Variants in RCOR1 observed in about 807,000 individuals in gnomAD.
RCOR1 encodes the protein REST corepressor.
RCOR1 carries 12 observed loss-of-function variants against 64.0 expected under a neutral mutation model. That is an observed-to-expected ratio of 0.19 (90% confidence interval 0.12 to 0.30). The LOEUF is 0.30. RCOR1 is among the 10% of genes least tolerant of loss of function. The probability of loss-of-function intolerance (pLI) is 1.00; values close to 1 mark genes in which losing one functional copy is unlikely to be tolerated. For synonymous variants in RCOR1, 279 were observed against 227.2 expected (o/e 1.23, Z -2.05); for missense variants, 502 against 621.2 (o/e 0.81, Z 2.04).
intron 8 of RCOR1, among the ~76,000 whole-genome samples, chr14:102,717,701 T>TA (rs1427553207): frequency 6.6e-6 from 1 of 152,158 alleles, no homozygotes; most frequent in Admixed American, 6.5e-5. Context: ...CTGTTTAATA[T>TA]ATTGAGAAAA....
rs1282036232 is a variant in RCOR1, at chr14:102,629,152, C to T, written c.361+35827C>T. Among the ~76,000 whole-genome samples, 3 of 152,266 alleles carry T rather than the reference C, an allele frequency of 2.0e-5. No individual in the cohort carries two copies. The East Asian group carries it at 5.8e-4, about 29-fold the overall frequency. On this transcript the variant is annotated intron_variant, in intron 2 of 11. Coordinates refer to ENST00000262241, the MANE Select transcript of RCOR1 (RefSeq NM_015156.4). ...ACTCATTCATCTGCCTGAAGTGCCT[C>T]CTTGCTGCTGGGCACCTCCTCCCCA... is the stretch of plus-strand genomic sequence containing the variant.
At chr14:102,658,314 T>G (rs1437046858) in intron 2 of RCOR1, among the ~76,000 whole-genome samples, 4 of 151,930 alleles carry the variant, frequency 2.6e-5, no homozygotes. Flanking sequence ...GTGCGGTGGC[T>G]TTAATCCATA....
Position 102,726,451 on chromosome 14 carries a change from TTTC to T in RCOR1, c.1420-16_1420-14del. 1 of 1,580,264 alleles carries T rather than the reference TTTC, an allele frequency of 6.3e-7. No individual in the cohort carries two copies. Among genetic ancestry groups the T allele is most frequent in the Non-Finnish European group, 8.5e-7 (1 of 1,173,270 alleles). The stretch of plus-strand genomic sequence containing the variant: ...ACTCTTTGATCCTTTTTTTTTTTTT[TTTC>T]CTCTTGGCCTCAGGCTCCTGTTCTG... On this transcript the variant is annotated splice_polypyrimidine_tract_variant and intron_variant, in intron 11 of 11. Transcript: ENST00000262241.
Position 102,727,376 on chromosome 14 carries a change from A to G in RCOR1, c.*870A>G, listed in dbSNP as rs2139998939. The G allele has an allele frequency of 6.7e-6, 1 of 148,376 alleles. No individual in the cohort carries two copies. Among genetic ancestry groups the G allele is most frequent in the African/African-American group, 2.5e-5 (1 of 40,020 alleles). The allele number at this position is 148,376 out of a possible 1,614,324, so 9.2% of individuals were successfully genotyped here. A position where few individuals can be genotyped will look rare whatever the true frequency, so the allele number is the denominator to read the frequency against. Reference sequence around the variant, plus strand: ...TTGGTGCCTTCTCCTTTTGGCAACCATGGTTATCAATCCTTTTTCTGTTTT... The same window carrying G: ...TTGGTGCCTTCTCCTTTTGGCAACCGTGGTTATCAATCCTTTTTCTGTTTT... On this transcript the variant is annotated 3_prime_UTR_variant, in exon 12 of 12. Transcript: ENST00000262241.
intron 8 of RCOR1, among the ~76,000 whole-genome samples, chr14:102,720,443 T>G (rs1896151020): frequency 6.6e-6 from 1 of 152,212 alleles, no homozygotes; most frequent in Admixed American, 6.5e-5. Flanking sequence ...GACGTGACAG[T>G]TAATCAAAGT....
At chr14:102,704,666 G>A (rs911312835) in intron 4 of RCOR1, among the ~76,000 whole-genome samples, 5 of 152,192 alleles carry the variant, frequency 3.3e-5, no homozygotes, top group East Asian at 3.8e-4. Context: ...TCCTGACCTC[G>A]TGATCCACTC....
At position 102,721,044 on chromosome 14, in the gene RCOR1, A is replaced by G. The variant is rs758282696; in HGVS notation, c.1091A>G (p.Glu364Gly). The change falls in exon 9 of 12, where the codon GAA becomes GGA. Residue 364 changes from glutamate (E) to glycine (G), a missense_variant. Physicochemically the swap from Glu to Gly is moderately conservative, Grantham distance 98. Transcript: ENST00000262241. ...NIKQTNSALKEKLDGGIEPYR... is the reference protein window; with the variant it reads ...NIKQTNSALKGKLDGGIEPYR... ...AAACAGACAAACAGTGCTCTCAAAG[A>G]AAAACTTGATGGTGGAATAGAACCA... The G allele has an allele frequency of 5.0e-5, 79 of 1,579,338 alleles. No homozygotes were observed. The South Asian group carries it at 8.8e-4, about 18-fold the overall frequency.
rs143492987 is a variant in RCOR1, at chr14:102,634,671, C to G, written c.361+41346C>G. Among the ~76,000 whole-genome samples the G allele has an allele frequency of 5.9e-3, 888 of 150,178 alleles. 11 individuals are homozygous for G. Among genetic ancestry groups the G allele is most frequent in the African/African-American group, 0.021 (856 of 40,790 alleles). ...ATATATGTATATATATATACACACA[C>G]ACGTACATACATATATATATGTGTG... On this transcript the variant is annotated intron_variant, in intron 2 of 11. Transcript: ENST00000262241.
chr14:102,616,356 A>G (rs529259338), intron 2 of RCOR1, among the ~76,000 whole-genome samples: 3 of 152,016 alleles, frequency 2.0e-5, no homozygotes, highest in Admixed American at 6.6e-5. Context: ...TGCAGCTTCA[A>G]CTTCTTGGAC....
intron 3 of RCOR1, among the ~76,000 whole-genome samples, chr14:102,695,709 C>CT (rs1895632606): frequency 6.8e-6 from 1 of 147,204 alleles, no homozygotes; most frequent in African/African-American, 2.6e-5. Context: ...CCATGCCCTG[C>CT]TATTTTTTTT....
chr14:102,723,479 A>G (rs1238866308), intron 11 of RCOR1, among the ~76,000 whole-genome samples: 1 of 152,216 alleles, frequency 6.6e-6, no homozygotes, highest in Non-Finnish European at 1.5e-5. Flanking sequence ...ATTTGTTAGA[A>G]TTAGATTCTT....
intron 2 of RCOR1, among the ~76,000 whole-genome samples, chr14:102,608,729 TA>T (rs1893566409): frequency 6.6e-6 from 1 of 150,990 alleles, no homozygotes; most frequent in Non-Finnish European, 1.5e-5. Context: ...GGCCTAATTT[TA>T]AAATTTTTTT....
At chr14:102,678,499 G>A (rs1360671021) in intron 2 of RCOR1, among the ~76,000 whole-genome samples, 1 of 152,038 alleles carries the variant, frequency 6.6e-6, no homozygotes, top group African/African-American at 2.4e-5. Context: ...GGGTTTCACA[G>A]TATTGGTCAG....
At chr14:102,660,964 C>G (rs953319745) in intron 2 of RCOR1, among the ~76,000 whole-genome samples, 19 of 152,148 alleles carry the variant, frequency 1.2e-4, no homozygotes, top group Non-Finnish European at 2.5e-4. Flanking sequence ...TATTGCTCAG[C>G]TCTTTTTCAA....
At chr14:102,608,513 C>T (rs752688914) in intron 2 of RCOR1, among the ~76,000 whole-genome samples, 23 of 152,112 alleles carry the variant, frequency 1.5e-4, no homozygotes, top group Non-Finnish European at 2.8e-4. Flanking sequence ...CAACTCATTG[C>T]AACCTCTGCC....
chr14:102,626,216 C>T (rs1893978770), intron 2 of RCOR1, among the ~76,000 whole-genome samples: 1 of 152,184 alleles, frequency 6.6e-6, no homozygotes, highest in South Asian at 2.1e-4. Context: ...CCTCCTATTC[C>T]TTTGTCTTCT....
At chr14:102,635,241 T>A (rs1486131263) in intron 2 of RCOR1, among the ~76,000 whole-genome samples, 1 of 152,200 alleles carries the variant, frequency 6.6e-6, no homozygotes, top group Non-Finnish European at 1.5e-5. Flanking sequence ...CGGCGGCTCA[T>A]GCCTATAATC....
At chr14:102,615,904 G>C (rs1204655662) in intron 2 of RCOR1, among the ~76,000 whole-genome samples, 5 of 152,204 alleles carry the variant, frequency 3.3e-5, no homozygotes, top group Non-Finnish European at 7.3e-5. Context: ...TCCCCAACAG[G>C]AGGTAGGCCA....
intron 8 of RCOR1, among the ~76,000 whole-genome samples, chr14:102,718,425 C>T (rs567978463): frequency 6.6e-6 from 1 of 152,262 alleles, no homozygotes; most frequent in Admixed American, 6.5e-5. Context: ...CCTCTACCAG[C>T]GAGAAGGGGG....
Sources: gnomAD v4.1 joint callset for allele counts (sites outside exome capture counted in the v4.1 genomes callset) on GRCh38, gnomAD v4.1.1 for gene constraint, MANE v1.5 for transcripts, NCBI Gene and HGNC (gene_info 2026-07-23, HGNC 2026-07-21) for gene names.